The following HPN variants were observed in gnomAD, a reference collection of about 807,000 sequenced individuals.
HPN encodes the protein serine protease hepsin.
In HPN, 13 loss-of-function variants were observed where a neutral mutation model predicts 55.9. The observed-to-expected ratio is 0.23, with a 90% confidence interval of 0.15 to 0.37. The LOEUF is 0.37. Among genes scored for constraint, HPN ranks in the 10% least tolerant of loss-of-function variants. The pLI is 1.00. For missense variants in HPN, 451 were observed against 575.8 expected (o/e 0.78, Z 2.22); for synonymous variants, 225 against 240.3 (o/e 0.94, Z 0.59).
chr19:35,058,110 A>T (rs1031303666), intron 4 of HPN, among the ~76,000 whole-genome samples: 1 of 151,542 alleles, frequency 6.6e-6, no homozygotes, highest in South Asian at 2.1e-4. Context: ...CTGAGATTGC[A>T]CCACTGCACA....
chr19:35,047,110 G>A (rs2064349771), intron 2 of HPN, among the ~76,000 whole-genome samples: 1 of 152,154 alleles, frequency 6.6e-6, no homozygotes, highest in South Asian at 2.1e-4. Flanking sequence ...TTACAGGCGT[G>A]AGCCACCGAG....
intron 4 of HPN, among the ~76,000 whole-genome samples, chr19:35,051,633 C>G (rs1214318434): frequency 6.6e-6 from 1 of 151,952 alleles, no homozygotes; most frequent in Non-Finnish European, 1.5e-5. Context: ...GGATTTGAAC[C>G]CAGGCAGCCT....
Position 35,059,759 on chromosome 19 carries a change from G to C in HPN, c.247G>C (p.Ala83Pro). 6.3e-7 allele frequency: 1 copy of C among 1,590,632 alleles called. No homozygotes were observed. The highest frequency in any genetic ancestry group is 8.6e-7 in the Non-Finnish European group (1 of 1,169,368). The part of the protein sequence containing the change: ...WRLLCSSRSN[A>P]RVAGLSCEEM... ...GCTGCTGTGCTCCTCGCGCTCCAAC[G>C]CCAGGGTAGCCGGACTCAGCTGCGA... The change falls in exon 5 of 13, where the codon GCC (alanine) becomes CCC (proline). Residue 83 changes from alanine to proline, a missense_variant. Transcript: ENST00000672452.
chr19:35,063,980 G>T (rs757491887), intron 9 of HPN, among the ~76,000 whole-genome samples: 1 of 152,218 alleles, frequency 6.6e-6, no homozygotes, highest in Non-Finnish European at 1.5e-5. Flanking sequence ...GTAAATGTTA[G>T]CAATTGCTAC....
At chr19:35,050,243 C>A (rs1270596548) in intron 4 of HPN, among the ~76,000 whole-genome samples, 5 of 152,192 alleles carry the variant, frequency 3.3e-5, no homozygotes, top group African/African-American at 1.2e-4. Flanking sequence ...CTGCTTCAGC[C>A]TCCCAAGTAC....
intron 9 of HPN, among the ~76,000 whole-genome samples, chr19:35,063,731 A>AGGACAGGT (rs1456222892): frequency 6.6e-6 from 1 of 152,194 alleles, no homozygotes; most frequent in African/African-American, 2.4e-5. Context: ...CGCATCTTTG[A>AGGACAGGT]GGACAGGTGG....
Position 35,060,835 on chromosome 19 carries a change from G to A in HPN, c.811+18G>A. 1 of 1,545,270 alleles carries A rather than the reference G, an allele frequency of 6.5e-7. No homozygotes were observed. The highest frequency in any genetic ancestry group is 8.7e-7 in the Non-Finnish European group (1 of 1,144,652). Reference sequence around the variant, plus strand: ...CCTCACAGGTAAGTCTAAGGGCTGAGCCATGGGGCTTGAGGACCCGAGGCC... The same window carrying A: ...CCTCACAGGTAAGTCTAAGGGCTGAACCATGGGGCTTGAGGACCCGAGGCC... On this transcript the variant is annotated intron_variant, in intron 9 of 12. Transcript: ENST00000672452.
At chr19:35,058,017 G>A (rs1222648507) in intron 4 of HPN, among the ~76,000 whole-genome samples, 1 of 151,476 alleles carries the variant, frequency 6.6e-6, no homozygotes, top group East Asian at 1.9e-4. Flanking sequence ...GCTGGGCATG[G>A]TGGTGCATGT....
At chr19:35,057,163 C>T (rs762321754) in intron 4 of HPN, among the ~76,000 whole-genome samples, 7 of 152,156 alleles carry the variant, frequency 4.6e-5, no homozygotes, top group Non-Finnish European at 7.3e-5. Flanking sequence ...CAGTAGCTCA[C>T]GCCTGTCATC....
In HPN at chr19:35,043,557, C is replaced by T. The variant is rs751657834; in HGVS notation, c.16+1035C>T. Among the ~76,000 whole-genome samples, 78 of 152,168 alleles carry T rather than the reference C, an allele frequency of 5.1e-4. 1 individual carries two copies. Among genetic ancestry groups the T allele is most frequent in the Admixed American group, 3.9e-4 (6 of 15,272 alleles). On this transcript the variant is annotated intron_variant, in intron 2 of 12. Coordinates refer to ENST00000672452, the MANE Select transcript of HPN (RefSeq NM_001384133.1). ...ACAGTGCATGTCCAACAGCGTGGGGCGAGGCCTGAAATGCCAGGATGGGCA... is the reference window on the plus strand; with the variant it reads ...ACAGTGCATGTCCAACAGCGTGGGGTGAGGCCTGAAATGCCAGGATGGGCA...
Position 35,060,450 on chromosome 19 carries a change from C to G in HPN, c.558C>G (p.His186Gln). 6.2e-7 allele frequency: 1 copy of G among 1,613,466 alleles called. No individual in the cohort carries two copies. Among genetic ancestry groups the G allele is most frequent in the South Asian group, 1.1e-5 (1 of 91,082 alleles). Residue 186 changes from histidine to glutamine, a missense_variant, in exon 8 of 13, where the codon CAC (histidine) becomes CAG (glutamine). This residue lies in a region of HPN where 378 missense variants were observed against 445.5 expected (regional missense o/e 0.85). Coordinates refer to ENST00000672452, the MANE Select transcript of HPN (RefSeq NM_001384133.1). ...WQVSLRYDGAHLCGGSLLSGD... is the reference protein window; with the variant it reads ...WQVSLRYDGAQLCGGSLLSGD... ...TCAGCCTTCGCTATGATGGAGCACA[C>G]CTCTGTGGGGGATCCCTGCTCTCCG...
chr19:35,057,852 A>G (rs921357205), intron 4 of HPN, among the ~76,000 whole-genome samples: 1 of 152,220 alleles, frequency 6.6e-6, no homozygotes, highest in Admixed American at 6.5e-5. Context: ...GTCAATTAAA[A>G]TAAATACATA....
At chr19:35,050,337 C>T (rs991955952) in intron 4 of HPN, 45 of 441,534 alleles carry the variant, frequency 1.0e-4, no homozygotes, top group Non-Finnish European at 1.4e-4. Flanking sequence ...TTGGCCAGGA[C>T]GGTCTCTATC....
At position 35,065,297 on chromosome 19, in the gene HPN, G is replaced by T. The variant is rs1231965822; in HGVS notation, c.859G>T (p.Asp287Tyr). The T allele has an allele frequency of 1.9e-6, 3 of 1,614,048 alleles. No individual in the cohort carries two copies. The Admixed American group carries it at 5.0e-5, about 27-fold the overall frequency. ...CLPAAGQALV[D>Y]GKICTVTGWG... is the part of the protein sequence containing the mutation. ...CCCAGCTGCCGGCCAGGCCCTGGTG[G>T]ATGGCAAGATCTGTACCGTGACGGG... is the stretch of plus-strand genomic sequence containing the variant. Residue 287 changes from aspartate (D) to tyrosine (Y), a missense_variant, in exon 10 of 13, where the codon GAT (aspartate) becomes TAT (tyrosine). Physicochemically the swap from Asp to Tyr is radical, Grantham distance 160 (BLOSUM62 -3). Around this residue, in one of 2 missense-constraint regions of HPN, gnomAD observed 378 missense variants for 445.5 expected, o/e 0.85. Coordinates refer to ENST00000672452, the MANE Select transcript of HPN (RefSeq NM_001384133.1).
chr19:35,053,265 C>G (rs954933331), intron 4 of HPN, among the ~76,000 whole-genome samples: 4 of 152,222 alleles, frequency 2.6e-5, no homozygotes, highest in Non-Finnish European at 4.4e-5. Context: ...GATTTTCCCC[C>G]CTAAAACCTC....
chr19:35,066,471 C>T lies in HPN; in HGVS notation c.*184C>T. 1.5e-6 allele frequency: 1 copy of T among 667,846 alleles called. No homozygotes were observed. The highest frequency in any genetic ancestry group is 2.5e-6 in the Non-Finnish European group (1 of 399,452). The allele number at this position is 667,846 out of a possible 1,614,324, so 41.4% of individuals were successfully genotyped here. A position where few individuals can be genotyped will look rare whatever the true frequency, so the allele number is the denominator to read the frequency against. ...TCAGCCCCGAGACCACCCAACCTCA[C>T]CCTCCTGACCCCCATGTAAATATTG... On this transcript the variant is annotated 3_prime_UTR_variant, in exon 13 of 13. Coordinates refer to ENST00000672452, the MANE Select transcript of HPN (RefSeq NM_001384133.1).
chr19:35,058,587 T>TTATTATATTATAACAATATATTAA (rs1240179267), intron 4 of HPN, among the ~76,000 whole-genome samples: 3 of 146,004 alleles, frequency 2.1e-5, no homozygotes, highest in African/African-American at 2.5e-5. Flanking sequence ...TAATAATATA[T>TTATTATATTATAACAATATATTAA]TATTATATTA....
chr19:35,065,435 G>T, intron 10 of HPN, 90 bp downstream of exon 10: 1 of 1,566,422 alleles, frequency 6.4e-7, no homozygotes, highest in South Asian at 1.2e-5. Flanking sequence ...GATGAGTCTT[G>T]ACCATGAGGA....
intron 4 of HPN, among the ~76,000 whole-genome samples, chr19:35,057,234 G>A (rs2064464073): frequency 6.6e-6 from 1 of 152,048 alleles, no homozygotes; most frequent in African/African-American, 2.4e-5. Context: ...AGACCAGCCT[G>A]GCCAACATGG....
Sources: allele counts gnomAD v4.1 joint callset (sites outside exome capture counted in the v4.1 genomes callset), GRCh38; gene constraint gnomAD v4.1.1; regional missense constraint gnomAD v4.1.1; transcripts MANE v1.5; gene names NCBI Gene and HGNC (gene_info 2026-07-23, HGNC 2026-07-21).